The following C4orf54 variants were observed in gnomAD, a reference collection of about 807,000 sequenced individuals.
C4orf54 encodes the protein uncharacterized protein C4orf54.
C4orf54 carries 67 observed loss-of-function variants against 80.1 expected under a neutral mutation model. The ratio of observed to expected loss-of-function variants is 0.84; its 90% CI spans 0.69 to 1.03. The LOEUF (loss-of-function observed/expected upper bound fraction) is 1.03. Ranked by LOEUF, C4orf54 falls within the 50% of genes least tolerant of loss-of-function variation. The probability of loss-of-function intolerance (pLI) is 0.00; values close to 1 mark genes in which losing one functional copy is unlikely to be tolerated. For missense variants in C4orf54, 2,434 were observed against 2,253.5 expected, an observed-to-expected ratio of 1.08 and a Z score of -1.62; for synonymous variants, 1,000 against 917.0, an observed-to-expected ratio of 1.09 and a Z score of -1.64.
chr4:99,653,226 C>T lies in C4orf54; in HGVS notation c.1423G>A (p.Asp475Asn), dbSNP rs1229366250. ...GTGGGTGGGGGAGTGGGGCCACTGT[C>T]AGAGGGGCCACTGCCCACTTCGGTG... ...SSTEVGSGPS[D>N]SGPTPPPTGP... Residue 475 changes from aspartate to asparagine, a missense_variant, in exon 2 of 3, where the codon GAC becomes AAC. Asp to Asn is a conservative substitution (Grantham distance 23). Transcript: ENST00000511828. 2.6e-6 allele frequency: 4 copies of T among 1,534,076 alleles called. No individual in the cohort carries two copies. The Admixed American group carries it at 7.9e-5, about 30-fold the overall frequency.
In C4orf54 at chr4:99,649,965, G is replaced by T; in HGVS notation, c.4684C>A (p.Gln1562Lys). 2 of 1,534,248 alleles carry T rather than the reference G, an allele frequency of 1.3e-6. No individual in the cohort carries two copies. The highest frequency in any genetic ancestry group is 2.4e-5 in the South Asian group (2 of 83,974). ...TGTAGGGTGAAGGGCAGCGGCGGCT[G>T]GTGGTAGATGGTGGTGGGGGGATGC... ...PEHPPTTIYH[Q>K]PPLPFTLQGA... Residue 1562 changes from glutamine (Q) to lysine (K), a missense_variant, in exon 2 of 3, where the codon CAG becomes AAG. Transcript: ENST00000511828.
At position 99,650,151 on chromosome 4, in the gene C4orf54, C is replaced by G. The variant is rs1578272554; in HGVS notation, c.4498G>C (p.Ala1500Pro). The change falls in exon 2 of 3, where the codon GCT becomes CCT. Residue 1500 changes from alanine (A) to proline (P), a missense_variant. Coordinates refer to ENST00000511828, the MANE Select transcript of C4orf54 (RefSeq NM_001354435.2). ...GGGGGTAAACTACAGAGAGTGGCAG[C>G]TGAGGAGTTGGGGGGCCCCTCCCTG... ...ASREGPPNSS[A>P]ATLCSLPPLS... is the part of the protein sequence containing the mutation. The G allele has an allele frequency of 6.5e-7, 1 of 1,535,936 alleles. No individual in the cohort carries two copies. The highest frequency in any genetic ancestry group is 1.2e-5 in the South Asian group (1 of 84,050).
At position 99,654,338 on chromosome 4, in the gene C4orf54, T is replaced by C. The variant is rs964395215; in HGVS notation, c.311A>G (p.Gln104Arg). 1 of 1,372,200 alleles carries C rather than the reference T, an allele frequency of 7.3e-7. No homozygotes were observed. The highest frequency in any genetic ancestry group is 1.4e-5 in the African/African-American group (1 of 69,362). 85.0% of individuals were successfully genotyped at this position (1,372,200 alleles called of 1,614,324 possible). The stretch of plus-strand genomic sequence containing the variant: ...TGCCCGAAGCAGGGTCCCACGTATC[T>C]GGACTGGCCCCAAGGCTGTAGGCAC... ...AAVPTALGPV[Q>R]IRGTLLRATL... The change falls in exon 2 of 3, where the codon CAG becomes CGG. Residue 104 changes from glutamine to arginine, a missense_variant. By Grantham distance (43) the Gln-to-Arg change is conservative. Transcript: ENST00000511828.
Position 99,643,739 on chromosome 4 carries a change from A to AACACACACACACAC in C4orf54, c.*37-2557_*37-2544dup, listed in dbSNP as rs754039570. Among the ~76,000 whole-genome samples, 175 of 98,898 alleles carry AACACACACACACAC rather than the reference A, an allele frequency of 1.8e-3. 1 individual carries two copies. The highest frequency in any genetic ancestry group is 2.7e-3 in the Non-Finnish European group (135 of 50,096). The allele number at this position is 98,898 out of a possible 152,430, so 64.9% of individuals were successfully genotyped here. ...TTCCCTGCCCTTTCCCCCAAGCCAC[A>AACACACACACACAC]ACACACACACACACACACACACACA... On this transcript the variant is annotated intron_variant, in intron 2 of 2. Transcript: ENST00000511828.
chr4:99,648,302 G>A (rs758333583), intron 2 of C4orf54, among the ~76,000 whole-genome samples: 1 of 152,072 alleles, frequency 6.6e-6, no homozygotes, highest in East Asian at 1.9e-4. Context: ...TATTTCCAGG[G>A]ATTCCTGTTT....
rs1480092577 is a variant in C4orf54 at position 99,638,106 on chromosome 4, C to A, written c.*3127G>T. The A allele has an allele frequency of 1.3e-5, 2 of 152,022 alleles. No individual in the cohort carries two copies. Among genetic ancestry groups the A allele is most frequent in the African/African-American group, 4.8e-5 (2 of 41,402 alleles). The allele number at this position is 152,022 out of a possible 1,614,324, so 9.4% of individuals were successfully genotyped here. A position where few individuals can be genotyped will look rare whatever the true frequency, so the allele number is the denominator to read the frequency against. On this transcript the variant is annotated 3_prime_UTR_variant, in exon 3 of 3. Transcript: ENST00000511828. The stretch of plus-strand genomic sequence containing the variant: ...AAATAAGAAAAAGGAATTTATATCA[C>A]CAGATATTTCCAGTGACATAAGGAT...
rs1726813482 is a variant in C4orf54 at position 99,651,108 on chromosome 4, T to C, written c.3541A>G (p.Arg1181Gly). 1 of 1,536,182 alleles carries C rather than the reference T, an allele frequency of 6.5e-7. No individual in the cohort carries two copies. The highest frequency in any genetic ancestry group is 8.7e-7 in the Non-Finnish European group (1 of 1,146,916). The change falls in exon 2 of 3, where the codon AGA becomes GGA. Residue 1181 changes from arginine to glycine, a missense_variant. Physicochemically the swap from Arg to Gly is moderately radical, Grantham distance 125. Coordinates refer to ENST00000511828, the MANE Select transcript of C4orf54 (RefSeq NM_001354435.2). The stretch of plus-strand genomic sequence containing the variant: ...TCTGGGGAGGAAGAATTCAAGACTC[T>C]GCTGCCGCCCCCTTTGCCCATGCTT... ...RESMGKGGGS[R>G]VLNSSSPEGT...
chr4:99,638,270 C>T lies in C4orf54; in HGVS notation c.*2963G>A, dbSNP rs1447912350. On this transcript the variant is annotated 3_prime_UTR_variant, in exon 3 of 3. Transcript: ENST00000511828. Reference sequence around the variant, plus strand: ...CATTACCTACATATCTGGGCCTTCACTTAATCCTGAGGGCAACTTCATTGA... The same window carrying T: ...CATTACCTACATATCTGGGCCTTCATTTAATCCTGAGGGCAACTTCATTGA... The T allele has an allele frequency of 1.3e-5, 2 of 152,124 alleles. No individual in the cohort carries two copies. The highest frequency in any genetic ancestry group is 4.8e-5 in the African/African-American group (2 of 41,428). The allele number at this position is 152,124 out of a possible 1,614,324, so 9.4% of individuals were successfully genotyped here.
rs967651698 is a variant in C4orf54, at chr4:99,638,172, G to A, written c.*3061C>T. On this transcript the variant is annotated 3_prime_UTR_variant, in exon 3 of 3. Coordinates refer to ENST00000511828, the MANE Select transcript of C4orf54 (RefSeq NM_001354435.2). The stretch of plus-strand genomic sequence containing the variant: ...GTCAATAGTTGAGATTTGTTATAAA[G>A]ATATAAAGTGTGATTTGCTTTAGCT... The A allele has an allele frequency of 7.2e-5, 11 of 152,090 alleles. No homozygotes were observed. Among genetic ancestry groups the A allele is most frequent in the African/African-American group, 2.7e-4 (11 of 41,454 alleles). The allele number at this position is 152,090 out of a possible 1,614,324, so 9.4% of individuals were successfully genotyped here.
intron 2 of C4orf54, among the ~76,000 whole-genome samples, chr4:99,644,863 CAAA>C (rs35279198): frequency 5.4e-5 from 4 of 73,850 alleles, no homozygotes; most frequent in Admixed American, 1.3e-4. Context: ...GAACAAGTTG[CAAA>C]AAAAAAAAAA....
chr4:99,648,554 AGTGTGTGTGT>A (rs60651888), intron 2 of C4orf54, among the ~76,000 whole-genome samples: 4 of 145,836 alleles, frequency 2.7e-5, no homozygotes, highest in East Asian at 2.0e-4. Flanking sequence ...TAGAGAACAA[AGTGTGTGTGT>A]GTGTGTGTGT....
At chr4:99,644,728 G>A (rs1183656681) in intron 2 of C4orf54, among the ~76,000 whole-genome samples, 1 of 144,930 alleles carries the variant, frequency 6.9e-6, no homozygotes, top group African/African-American at 2.7e-5. Context: ...CCTTTAAGCT[G>A]TCTAATCTAT....
rs1726947436 is a variant in C4orf54 at position 99,654,547 on chromosome 4, C to T, written c.102G>A (p.Gln34=). Residue 34 remains glutamine, a synonymous_variant, in exon 2 of 3, where the codon CAG becomes CAA. Coordinates refer to ENST00000511828, the MANE Select transcript of C4orf54 (RefSeq NM_001354435.2). ...TGAGCTGTCCTGTCCAGTTGTTTGC[C>T]TGGCACCGTCGGCAGCAGCGAGGAG... ...IQTPRCCRRC[Q]ANNWTGQLSY... is the part of the protein sequence containing the mutation. 1.4e-6 allele frequency: 1 copy of T among 702,858 alleles called. No homozygotes were observed. Among genetic ancestry groups the T allele is most frequent in the Admixed American group, 2.0e-5 (1 of 49,970 alleles). The allele number at this position is 702,858 out of a possible 1,614,324, so 43.5% of individuals were successfully genotyped here.
In C4orf54 at chr4:99,652,916, T is replaced by G; in HGVS notation, c.1733A>C (p.Asp578Ala). 6.5e-7 allele frequency: 1 copy of G among 1,536,160 alleles called. No homozygotes were observed. The change falls in exon 2 of 3, where the codon GAC becomes GCC. Residue 578 changes from aspartate (D) to alanine (A), a missense_variant. By Grantham distance (126) the Asp-to-Ala change is moderately radical. Coordinates refer to ENST00000511828, the MANE Select transcript of C4orf54 (RefSeq NM_001354435.2). ...KQNPAAAVAQDHAKKFIAVPA... is the reference protein window; with the variant it reads ...KQNPAAAVAQAHAKKFIAVPA... ...TACAGCAATGAATTTCTTTGCATGG[T>G]CCTGAGCCACTGCTGCAGCCGGGTT...
In C4orf54 at chr4:99,650,732, T is replaced by C. The variant is rs572661681; in HGVS notation, c.3917A>G (p.Asp1306Gly). Reference sequence around the variant, plus strand: ...TTTGGACAGCTTGTCGTGGTCTCCATCAGCAACCACTACCCCTTCCCTCTC... The same window carrying C: ...TTTGGACAGCTTGTCGTGGTCTCCACCAGCAACCACTACCCCTTCCCTCTC... ...SEEREGVVVADGDHDKLSKRL... is the reference protein window; with the variant it reads ...SEEREGVVVAGGDHDKLSKRL... The change falls in exon 2 of 3, where the codon GAT (aspartate) becomes GGT (glycine). Residue 1306 changes from aspartate (D) to glycine (G), a missense_variant. Coordinates refer to ENST00000511828, the MANE Select transcript of C4orf54 (RefSeq NM_001354435.2). The C allele has an allele frequency of 6.5e-7, 1 of 1,536,114 alleles. No individual in the cohort carries two copies. The highest frequency in any genetic ancestry group is 2.0e-5 in the Admixed American group (1 of 50,996).
In C4orf54 at chr4:99,654,326, G is replaced by A. The variant is rs13114983; in HGVS notation, c.323C>T (p.Thr108Ile). Residue 108 changes from threonine to isoleucine, a missense_variant, in exon 2 of 3, where the codon ACC becomes ATC. Transcript: ENST00000511828. ...TALGPVQIRG[T>I]LLRATLQPLR... ...GGGCTGCAGAGTTGCCCGAAGCAGG[G>A]TCCCACGTATCTGGACTGGCCCCAA... The A allele has an allele frequency of 3.1e-5, 45 of 1,457,422 alleles. 1 individual carries two copies. The South Asian group carries it at 5.5e-4, about 18-fold the overall frequency. The allele number at this position is 1,457,422 out of a possible 1,614,324, so 90.3% of individuals were successfully genotyped here.
In C4orf54 at chr4:99,652,355, G is replaced by A; in HGVS notation, c.2294C>T (p.Ala765Val). The change falls in exon 2 of 3, where the codon GCC (alanine) becomes GTC (valine). Residue 765 changes from alanine to valine, a missense_variant. Transcript: ENST00000511828. ...NVRSESKASS[A>V]PGPGRATKGP... ...TTTGGTGGCCCTGCCGGGCCCAGGG[G>A]CCGAGCTGGCTTTGCTCTCACTGCG... 2 of 1,536,110 alleles carry A rather than the reference G, an allele frequency of 1.3e-6. No homozygotes were observed. The highest frequency in any genetic ancestry group is 1.7e-6 in the Non-Finnish European group (2 of 1,146,888).
In C4orf54 at chr4:99,640,000, TTAAG is replaced by T. The variant is rs1726578049; in HGVS notation, c.*1229_*1232del. 1 of 152,102 alleles carries T rather than the reference TTAAG, an allele frequency of 6.6e-6. No homozygotes were observed. The highest frequency in any genetic ancestry group is 2.4e-5 in the African/African-American group (1 of 41,440). The allele number at this position is 152,102 out of a possible 1,614,324, so 9.4% of individuals were successfully genotyped here. On this transcript the variant is annotated 3_prime_UTR_variant, in exon 3 of 3. Coordinates refer to ENST00000511828, the MANE Select transcript of C4orf54 (RefSeq NM_001354435.2). Reference sequence around the variant, plus strand: ...TTCAAATTATTCCTTTAAAAAGTAATTAAGTAATATTTCAATGTAACATTTGCCA... The same window carrying T: ...TTCAAATTATTCCTTTAAAAAGTAATTAATATTTCAATGTAACATTTGCCA...
rs948084883 is a variant in C4orf54, at chr4:99,637,045, T to C, written c.*4188A>G. 4.6e-5 allele frequency: 7 copies of C among 152,028 alleles called. No homozygotes were observed. Among genetic ancestry groups the C allele is most frequent in the Admixed American group, 4.6e-4 (7 of 15,244 alleles). 9.4% of individuals were successfully genotyped at this position (152,028 alleles called of 1,614,324 possible). Reference sequence around the variant, plus strand: ...TACAATAGTATGATTTATGTGTAAATACAGAAACACACGTCTTCAAAGTGG... The same window carrying C: ...TACAATAGTATGATTTATGTGTAAACACAGAAACACACGTCTTCAAAGTGG... On this transcript the variant is annotated 3_prime_UTR_variant, in exon 3 of 3. Coordinates refer to ENST00000511828, the MANE Select transcript of C4orf54 (RefSeq NM_001354435.2).
Sources: gnomAD v4.1 joint callset for allele counts (sites outside exome capture counted in the v4.1 genomes callset) on GRCh38, gnomAD v4.1.1 for gene constraint, MANE v1.5 for transcripts, NCBI Gene and HGNC (gene_info 2026-07-23, HGNC 2026-07-21) for gene names.